Variants in PDE10A observed in about 807,000 individuals in gnomAD.
The protein encoded by PDE10A is phosphodiesterase 10A.
A neutral mutation model predicts 97.7 loss-of-function variants in PDE10A; 39 were observed. That is an observed-to-expected ratio of 0.40 (90% CI 0.31 to 0.52). The LOEUF (loss-of-function observed/expected upper bound fraction) is 0.52. Ranked by LOEUF, PDE10A falls within the 20% of genes least tolerant of loss-of-function variation. PDE10A has a pLI of 0.56. For missense variants in PDE10A, 731 were observed against 1,047.8 expected, an observed-to-expected ratio of 0.70 and a Z score of 4.17; for synonymous variants, 371 against 376.8, an observed-to-expected ratio of 0.98 and a Z score of 0.18.
intron 1 of PDE10A, among the ~76,000 whole-genome samples, chr6:165,617,415 G>GT (rs1448257463): frequency 6.6e-6 from 1 of 152,154 alleles, no homozygotes; most frequent in Non-Finnish European, 1.5e-5. Flanking sequence ...CGGGATCTCG[G>GT]CTCAAGGCAA....
intron 2 of PDE10A, among the ~76,000 whole-genome samples, chr6:165,538,791 G>A (rs1783249412): frequency 1.3e-5 from 2 of 152,110 alleles, no homozygotes; most frequent in South Asian, 4.1e-4. Flanking sequence ...GCAAAACAAT[G>A]GACCTTCATT....
At chr6:165,956,259 C>T (rs1784131920) in intron 1 of PDE10A, among the ~76,000 whole-genome samples, 1 of 152,232 alleles carries the variant, frequency 6.6e-6, no homozygotes, top group South Asian at 2.1e-4. Context: ...GAGAAATAAC[C>T]CAAATACTAT....
chr6:165,947,097 C>T (rs891652660), intron 1 of PDE10A: 2 of 152,132 alleles, frequency 1.3e-5, no homozygotes, highest in African/African-American at 2.4e-5. Context: ...CCTAATCTAC[C>T]ACAGCTTCTT....
At chr6:165,800,485 CA>C (rs1778954351) in intron 1 of PDE10A, among the ~76,000 whole-genome samples, 1 of 152,142 alleles carries the variant, frequency 6.6e-6, no homozygotes, top group African/African-American at 2.4e-5. Context: ...CCTCTGGCCC[CA>C]GTACATCAGG....
chr6:165,925,387 A>G (rs1782902835), intron 1 of PDE10A, among the ~76,000 whole-genome samples: 1 of 152,250 alleles, frequency 6.6e-6, no homozygotes, highest in South Asian at 2.1e-4. Flanking sequence ...CCACCCCTGA[A>G]CAGCTATGCC....
At chr6:165,392,597 T>C (rs757274751) in intron 16 of PDE10A, 49 bp downstream of exon 16, 1 of 1,557,678 alleles carries the variant, frequency 6.4e-7, no homozygotes, top group Non-Finnish European at 8.8e-7. Flanking sequence ...ACACACAGTA[T>C]TAAATCCACT....
chr6:165,862,292 G>A (rs1450167836), intron 1 of PDE10A, among the ~76,000 whole-genome samples: 3 of 152,168 alleles, frequency 2.0e-5, no homozygotes, highest in Non-Finnish European at 2.9e-5. Flanking sequence ...AAATTCACAG[G>A]TGGCATGAAA....
At chr6:165,518,912 G>T (rs1312476052) in intron 2 of PDE10A, among the ~76,000 whole-genome samples, 1 of 152,166 alleles carries the variant, frequency 6.6e-6, no homozygotes, top group Non-Finnish European at 1.5e-5. Context: ...TGGCAACAGG[G>T]TTTGGTATTA....
intron 1 of PDE10A, among the ~76,000 whole-genome samples, chr6:165,831,113 G>A (rs922741321): frequency 4.6e-5 from 7 of 151,974 alleles, no homozygotes; most frequent in East Asian, 1.9e-4. Context: ...GGCCGGGCGC[G>A]GTGGCTCAAG....
At chr6:165,576,728 C>G (rs1333400982) in intron 1 of PDE10A, among the ~76,000 whole-genome samples, 1 of 152,164 alleles carries the variant, frequency 6.6e-6, no homozygotes, top group African/African-American at 2.4e-5. Context: ...CTCCAATCCA[C>G]CCTCTTCTTC....
chr6:165,976,270 A>C (rs190315714), intron 1 of PDE10A, among the ~76,000 whole-genome samples: 2 of 152,332 alleles, frequency 1.3e-5, no homozygotes, highest in East Asian at 3.9e-4. Context: ...ACTCAGCCCC[A>C]GTGATTTTAG....
intron 1 of PDE10A, among the ~76,000 whole-genome samples, chr6:165,601,247 G>A (rs760937193): frequency 4.1e-4 from 62 of 152,226 alleles, no homozygotes; most frequent in Non-Finnish European, 8.2e-4. Context: ...CCTCAGCCAC[G>A]TGGAACTGAA....
At chr6:165,779,996 C>G (rs1396213141) in intron 1 of PDE10A, among the ~76,000 whole-genome samples, 1 of 152,192 alleles carries the variant, frequency 6.6e-6, no homozygotes, top group Non-Finnish European at 1.5e-5. Flanking sequence ...ACAAAAACAC[C>G]TGTTCTTGCC....
At chr6:165,738,406 C>T (rs1038644200) in intron 1 of PDE10A, among the ~76,000 whole-genome samples, 9 of 150,372 alleles carry the variant, frequency 6.0e-5, no homozygotes, top group African/African-American at 2.0e-4. Flanking sequence ...TTAATCCAGT[C>T]TATCATTGTT....
chr6:165,436,938 A>G (rs922836082), intron 5 of PDE10A, among the ~76,000 whole-genome samples: 2 of 152,124 alleles, frequency 1.3e-5, no homozygotes, highest in Admixed American at 6.6e-5. Context: ...TAAATGCAAG[A>G]AAAAAAATTT....
At chr6:165,882,399 A>G (rs1334213790) in intron 1 of PDE10A, among the ~76,000 whole-genome samples, 1 of 152,226 alleles carries the variant, frequency 6.6e-6, no homozygotes, top group Non-Finnish European at 1.5e-5. Flanking sequence ...CATTAATACC[A>G]TTGTGTATTA....
intron 1 of PDE10A, among the ~76,000 whole-genome samples, chr6:165,790,665 C>T (rs995512693): frequency 2.0e-5 from 3 of 151,952 alleles, no homozygotes; most frequent in African/African-American, 4.8e-5. Flanking sequence ...GTTGAGACCC[C>T]GTCAGCCGTC....
intron 1 of PDE10A, among the ~76,000 whole-genome samples, chr6:165,763,841 T>C (rs1238634975): frequency 6.6e-6 from 1 of 152,244 alleles, no homozygotes; most frequent in Non-Finnish European, 1.5e-5. Flanking sequence ...ACAGAGTAAT[T>C]GCTACCTCGT....
intron 1 of PDE10A, chr6:165,775,187 A>G (rs1270625396): frequency 6.6e-6 from 1 of 152,214 alleles, no homozygotes; most frequent in Non-Finnish European, 1.5e-5. Context: ...CATTATCAAG[A>G]AAATAGTCAA....
Sources: gnomAD v4.1 joint callset for allele counts (sites outside exome capture counted in the v4.1 genomes callset) on GRCh38, gnomAD v4.1.1 for gene constraint, MANE v1.5 for transcripts, NCBI Gene and HGNC (gene_info 2026-07-23, HGNC 2026-07-21) for gene names.